The following BRSK2 variants were observed in gnomAD, a reference collection of about 807,000 sequenced individuals.
The protein encoded by BRSK2 is BR serine/threonine kinase 2, also known as serine/threonine-protein kinase BRSK2.
Under a neutral mutation model 83.3 loss-of-function variants are expected in BRSK2, and 19 were observed. The ratio of observed to expected loss-of-function variants is 0.23; its 90% CI spans 0.16 to 0.33. The LOEUF is 0.33. BRSK2 is among the 10% of genes least tolerant of loss of function. BRSK2 has a pLI of 1.00. For synonymous variants in BRSK2, 519 were observed against 435.4 expected (o/e 1.19, Z -2.39); for missense variants, 798 against 1,042.3 (o/e 0.77, Z 3.23).
At chr11:1,443,226 A>G in intron 6 of BRSK2, 87 bp downstream of exon 6, 4 of 1,514,428 alleles carry the variant, frequency 2.6e-6, no homozygotes, top group Non-Finnish European at 3.5e-6. Flanking sequence ...CCGCACCCCC[A>G]GGTGCTGCTA....
At chr11:1,458,398 G>A (rs1359583960) in intron 18 of BRSK2, among the ~76,000 whole-genome samples, 2 of 152,060 alleles carry the variant, frequency 1.3e-5, no homozygotes, top group South Asian at 2.1e-4. Flanking sequence ...CTATCTCCCT[G>A]TGGACTTGGG....
At chr11:1,436,307 C>T (rs1422053776) in intron 2 of BRSK2, among the ~76,000 whole-genome samples, 173 bp downstream of exon 2, 2 of 152,064 alleles carry the variant, frequency 1.3e-5, no homozygotes, top group Non-Finnish European at 2.9e-5. Context: ...GGTGCCTTTG[C>T]TCTTGCTCCT....
At chr11:1,458,011 C>T (rs1012771902) in intron 18 of BRSK2, among the ~76,000 whole-genome samples, 6 of 152,306 alleles carry the variant, frequency 3.9e-5, no homozygotes, top group East Asian at 1.9e-4. Flanking sequence ...GCCATGCCGT[C>T]GGCCGGCAGC....
chr11:1,459,090 C>T, intron 18 of BRSK2, 102 bp from the exon 19 acceptor site: 1 of 1,254,132 alleles, frequency 8.0e-7, no homozygotes, highest in East Asian at 2.4e-5. Flanking sequence ...CTACCCACTC[C>T]TGGCTCCACC....
rs1386945264 is a variant in BRSK2 at position 1,461,107 on chromosome 11, C to T, written c.*384C>T. 10 of 1,455,976 alleles carry T rather than the reference C, an allele frequency of 6.9e-6. No individual in the cohort carries two copies. Among genetic ancestry groups the T allele is most frequent in the Non-Finnish European group, 8.4e-6 (9 of 1,067,062 alleles). The allele number at this position is 1,455,976 out of a possible 1,614,324, so 90.2% of individuals were successfully genotyped here. Reference sequence around the variant, plus strand: ...GGCCCAGCCCAGCGCCCCGTCCACCCCGCGGCAGCTCCTCGCCTCAGCTCC... The same window carrying T: ...GGCCCAGCCCAGCGCCCCGTCCACCTCGCGGCAGCTCCTCGCCTCAGCTCC... On this transcript the variant is annotated 3_prime_UTR_variant, in exon 20 of 20. Transcript: ENST00000528841.
intron 15 of BRSK2, among the ~76,000 whole-genome samples, chr11:1,452,052 T>C (rs1590661219): frequency 1.3e-5 from 2 of 152,016 alleles, no homozygotes; most frequent in South Asian, 4.1e-4. Flanking sequence ...CGACTGGCGG[T>C]GTACACATAT....
At chr11:1,433,768 C>T (rs1849902475) in intron 1 of BRSK2, among the ~76,000 whole-genome samples, 1 of 152,262 alleles carries the variant, frequency 6.6e-6, no homozygotes, top group Non-Finnish European at 1.5e-5. Context: ...GATCAAAGGC[C>T]TTCAGGGAGA....
intron 1 of BRSK2, among the ~76,000 whole-genome samples, chr11:1,404,819 G>A (rs1050492658): frequency 6.6e-6 from 1 of 152,200 alleles, no homozygotes; most frequent in Non-Finnish European, 1.5e-5. Flanking sequence ...CTGCTGCGAC[G>A]GCTCCTCTGG....
intron 1 of BRSK2, among the ~76,000 whole-genome samples, chr11:1,413,960 A>T (rs1212238113): frequency 6.6e-6 from 1 of 152,242 alleles, no homozygotes; most frequent in East Asian, 1.9e-4. Flanking sequence ...CTGGACACAC[A>T]GCGCCAGCCA....
Position 1,443,599 on chromosome 11 carries a change from G to A in BRSK2, c.744G>A (p.Arg248=). ...FIPPDCQSLL[R]GMIEVDAARR... is the part of the protein sequence containing the mutation. ...CGCCCGACTGCCAGAGTCTGCTACG[G>A]GGCATGATCGAGGTGGACGCCGCAC... The change falls in exon 8 of 20, where the codon CGG becomes CGA. Residue 248 remains arginine (R), a synonymous_variant. Transcript: ENST00000528841. 6.2e-7 allele frequency: 1 copy of A among 1,608,136 alleles called. No individual in the cohort carries two copies. The highest frequency in any genetic ancestry group is 8.5e-7 in the Non-Finnish European group (1 of 1,177,454).
At chr11:1,446,605 G>A (rs1037129086) in intron 12 of BRSK2, among the ~76,000 whole-genome samples, 8 of 152,082 alleles carry the variant, frequency 5.3e-5, no homozygotes, top group Admixed American at 2.0e-4. Flanking sequence ...ACAGAACTCA[G>A]CAGTGATGAG....
intron 1 of BRSK2, among the ~76,000 whole-genome samples, chr11:1,418,000 C>T (rs1234409402): frequency 6.7e-6 from 1 of 148,934 alleles, no homozygotes; most frequent in African/African-American, 2.5e-5. Flanking sequence ...GAGAGTGGGT[C>T]ACCTGTGTCC....
intron 12 of BRSK2, chr11:1,447,762 T>C: frequency 6.3e-7 from 1 of 1,584,946 alleles, no homozygotes. Flanking sequence ...CGTGTGGCCG[T>C]CAGTAACTGT....
chr11:1,428,619 C>T (rs185741441), intron 1 of BRSK2, among the ~76,000 whole-genome samples: 134 of 152,352 alleles, frequency 8.8e-4, no homozygotes, highest in Non-Finnish European at 1.7e-3. Flanking sequence ...TGTCAGGCTC[C>T]CTCCCATTTT....
chr11:1,413,914 G>A (rs1372582408), intron 1 of BRSK2, among the ~76,000 whole-genome samples: 15 of 152,192 alleles, frequency 9.9e-5, no homozygotes, highest in African/African-American at 2.4e-4. Flanking sequence ...GCCCAGCTCT[G>A]CCTTCTGCCC....
chr11:1,427,963 C>G (rs1849444928), intron 1 of BRSK2, among the ~76,000 whole-genome samples: 1 of 152,212 alleles, frequency 6.6e-6, no homozygotes, highest in African/African-American at 2.4e-5. Flanking sequence ...CAGAGGCCTG[C>G]ACTGCTGCCT....
Position 1,390,737 on chromosome 11 carries a change from C to G in BRSK2, c.91+362C>G, listed in dbSNP as rs1845673174. Among the ~76,000 whole-genome samples, 2 of 151,476 alleles carry G rather than the reference C, an allele frequency of 1.3e-5. No homozygotes were observed. The highest frequency in any genetic ancestry group is 2.1e-4 in the South Asian group (1 of 4,836). On this transcript the variant is annotated intron_variant, in intron 1 of 19. Coordinates refer to ENST00000528841, the MANE Select transcript of BRSK2 (RefSeq NM_001256627.2). The surrounding 1 kb of genome is among the most constrained non-coding windows in gnomAD (Gnocchi z 6.8). ...ATTGTGCCGCGGGAGGAGGGGGCCG[C>G]GCGGGCGCCCATCTGCCGTCTGCCG...
rs1043745449 is a variant in BRSK2, at chr11:1,445,873, C to T, written c.1192C>T (p.Arg398Trp). The T allele has an allele frequency of 9.9e-6, 16 of 1,611,450 alleles. No homozygotes were observed. The highest frequency in any genetic ancestry group is 2.7e-5 in the African/African-American group (2 of 74,916). The change falls in exon 12 of 20, where the codon CGG (arginine) becomes TGG (tryptophan). Residue 398 changes from arginine to tryptophan, a missense_variant. Arg to Trp is a moderately radical substitution (Grantham distance 101, BLOSUM62 -3). Around this residue, in one of 6 missense-constraint regions of BRSK2, gnomAD observed 51 missense variants for 52.6 expected, o/e 0.97. Transcript: ENST00000528841. ...GGACGGCGGCTCCCCGGTGCCTGCGCGGCGGGCCATTGAGATGGCCCAGCA... is the reference window on the plus strand; with the variant it reads ...GGACGGCGGCTCCCCGGTGCCTGCGTGGCGGGCCATTGAGATGGCCCAGCA... ...VTDGGSPVPA[R>W]RAIEMAQHGQ...
chr11:1,418,453 T>A (rs1457417106), intron 1 of BRSK2, among the ~76,000 whole-genome samples: 1 of 147,066 alleles, frequency 6.8e-6, no homozygotes, highest in Non-Finnish European at 1.5e-5. Context: ...TTCTGTTGGC[T>A]GTTTCTTCTC....
Sources: allele counts gnomAD v4.1 joint callset (sites outside exome capture counted in the v4.1 genomes callset), GRCh38; gene constraint gnomAD v4.1.1; regional missense constraint gnomAD v4.1.1; non-coding constraint Gnocchi (gnomAD v3.1); transcripts MANE v1.5; gene names NCBI Gene and HGNC (gene_info 2026-07-23, HGNC 2026-07-21).